Variants in CADM2 observed in about 807,000 individuals in gnomAD.
CADM2 encodes the protein immunoglobulin superfamily member 4D.
In CADM2, 12 loss-of-function variants were observed where a neutral mutation model predicts 49.8. The observed-to-expected ratio is 0.24, with a 90% CI of 0.15 to 0.39. CADM2 has a LOEUF of 0.39. CADM2 is among the 10% of genes least tolerant of loss of function. The pLI is 1.00. For missense variants in CADM2, 378 were observed against 492.3 expected (o/e 0.77, Z 2.20); for synonymous variants, 214 against 175.4 (o/e 1.22, Z -1.74).
intron 7 of CADM2, among the ~76,000 whole-genome samples, chr3:85,951,126 C>A (rs1723374982): frequency 6.6e-6 from 1 of 150,936 alleles, no homozygotes; most frequent in Admixed American, 6.6e-5. Flanking sequence ...CAGATATGGG[C>A]AATGCCATCT....
At chr3:85,258,570 G>T (rs2042942143) in intron 1 of CADM2, among the ~76,000 whole-genome samples, 1 of 151,456 alleles carries the variant, frequency 6.6e-6, no homozygotes, top group Admixed American at 6.6e-5. Context: ...GTTGCCGGAA[G>T]AAAGCCACAG....
chr3:85,966,881 C>T (rs551439526), intron 8 of CADM2, among the ~76,000 whole-genome samples: 3 of 151,572 alleles, frequency 2.0e-5, no homozygotes, highest in South Asian at 2.1e-4. Flanking sequence ...GAATAGGATA[C>T]GTCATATTTT....
At chr3:85,306,551 T>C (rs1055110720) in intron 1 of CADM2, among the ~76,000 whole-genome samples, 3 of 151,734 alleles carry the variant, frequency 2.0e-5, no homozygotes, top group Non-Finnish European at 4.4e-5. Flanking sequence ...CACCAAACTT[T>C]AAGATGTGAT....
At chr3:85,373,374 G>A (rs1445165704) in intron 1 of CADM2, among the ~76,000 whole-genome samples, 1 of 152,160 alleles carries the variant, frequency 6.6e-6, no homozygotes, top group African/African-American at 2.4e-5. Flanking sequence ...ACTGATGCAA[G>A]GGGTGGGTTC....
chr3:85,858,758 G>A (rs2075407953), intron 3 of CADM2, among the ~76,000 whole-genome samples: 1 of 152,174 alleles, frequency 6.6e-6, no homozygotes, highest in Non-Finnish European at 1.5e-5. Flanking sequence ...ATGTTGCTGG[G>A]CTTTGCTGAA....
intron 1 of CADM2, among the ~76,000 whole-genome samples, chr3:85,671,606 C>T (rs557413573): frequency 6.6e-6 from 1 of 152,118 alleles, no homozygotes; most frequent in African/African-American, 2.4e-5. Flanking sequence ...TTCCCTTCTC[C>T]TTCCCCTTCT....
At chr3:85,062,982 A>C (rs1249256267) in intron 1 of CADM2, among the ~76,000 whole-genome samples, 2 of 151,940 alleles carry the variant, frequency 1.3e-5, no homozygotes, top group Admixed American at 6.6e-5. Context: ...CTAAATCTTA[A>C]AAAAGTGGAA....
intron 1 of CADM2, among the ~76,000 whole-genome samples, chr3:85,554,180 A>T (rs943190267): frequency 6.6e-6 from 1 of 152,098 alleles, no homozygotes; most frequent in African/African-American, 2.4e-5. Flanking sequence ...GTTCCACCCC[A>T]CATCATCAGG....
At chr3:85,284,944 C>T (rs750283255) in intron 1 of CADM2, among the ~76,000 whole-genome samples, 3 of 152,060 alleles carry the variant, frequency 2.0e-5, no homozygotes, top group East Asian at 1.9e-4. Flanking sequence ...GCAAGCAGAT[C>T]GATTGGTAGC....
chr3:85,954,680 C>T (rs1172013645), intron 7 of CADM2, among the ~76,000 whole-genome samples: 2 of 151,078 alleles, frequency 1.3e-5, no homozygotes, highest in Non-Finnish European at 3.0e-5. Flanking sequence ...GTTCAGGATT[C>T]TTTTTTCCTG....
intron 1 of CADM2, among the ~76,000 whole-genome samples, chr3:85,579,766 C>A (rs2062741458): frequency 6.6e-6 from 1 of 151,888 alleles, no homozygotes; most frequent in Non-Finnish European, 1.5e-5. Context: ...GTCTCTAATT[C>A]ATATAGATTT....
At chr3:85,528,885 G>A (rs10511078) in intron 1 of CADM2, among the ~76,000 whole-genome samples, 90,402 of 151,934 alleles carry the variant, frequency 0.6, 28,377 homozygotes, top group East Asian at 0.93. Context: ...TCCTTTAACC[G>A]TGATCATAAA....
chr3:85,668,404 A>G (rs1051138174), intron 1 of CADM2, among the ~76,000 whole-genome samples: 3 of 151,968 alleles, frequency 2.0e-5, no homozygotes, highest in Non-Finnish European at 4.4e-5. Context: ...TCTTTGTTCA[A>G]TGAACAAGGT....
At chr3:85,566,838 A>G (rs561148766) in intron 1 of CADM2, among the ~76,000 whole-genome samples, 3 of 152,302 alleles carry the variant, frequency 2.0e-5, no homozygotes, top group African/African-American at 7.2e-5. Flanking sequence ...TGTCTTTTCT[A>G]TGAGGAAGAA....
intron 1 of CADM2, among the ~76,000 whole-genome samples, chr3:85,355,398 C>G (rs2031769403): frequency 6.6e-6 from 1 of 152,086 alleles, no homozygotes; most frequent in African/African-American, 2.4e-5. Context: ...TAAGGTTACT[C>G]TAGGTCCCCT....
chr3:85,029,571 G>A (rs2034889194), intron 1 of CADM2, among the ~76,000 whole-genome samples: 1 of 152,212 alleles, frequency 6.6e-6, no homozygotes, highest in Non-Finnish European at 1.5e-5. Context: ...GGTGGCCAAG[G>A]CCATTCGTGT....
At chr3:85,390,010 C>T (rs1306052019) in intron 1 of CADM2, among the ~76,000 whole-genome samples, 1 of 151,650 alleles carries the variant, frequency 6.6e-6, no homozygotes, top group Admixed American at 6.6e-5. Flanking sequence ...AAGCCACAAT[C>T]GGCATAGTAA....
At chr3:85,139,624 A>G (rs894978376) in intron 1 of CADM2, among the ~76,000 whole-genome samples, 2 of 152,142 alleles carry the variant, frequency 1.3e-5, no homozygotes, top group South Asian at 2.1e-4. Flanking sequence ...TATAAGAACT[A>G]TAGGTTACTG....
At chr3:85,585,340 A>G (rs557475217) in intron 1 of CADM2, among the ~76,000 whole-genome samples, 16 of 152,044 alleles carry the variant, frequency 1.1e-4, no homozygotes, top group Admixed American at 1.1e-3. Context: ...CAGAAGCCAT[A>G]AAGTGCTTCA....
Sources: gnomAD v4.1 joint callset for allele counts (sites outside exome capture counted in the v4.1 genomes callset) on GRCh38, gnomAD v4.1.1 for gene constraint, MANE v1.5 for transcripts, NCBI Gene and HGNC (gene_info 2026-07-23, HGNC 2026-07-21) for gene names.